Variants in STK3 observed in about 807,000 individuals in gnomAD.
STK3 encodes serine/threonine-protein kinase 3.
STK3 carries 41 observed loss-of-function variants against 58.0 expected under a neutral mutation model. The ratio of observed to expected loss-of-function variants is 0.71; its 90% confidence interval spans 0.55 to 0.92. The LOEUF is 0.92. STK3 is among the 40% of genes least tolerant of loss of function. STK3 has a pLI of 0.00. For synonymous variants in STK3, 170 were observed against 191.0 expected, an observed-to-expected ratio of 0.89 and a Z score of 0.91; for missense variants, 479 against 602.7, an observed-to-expected ratio of 0.79 and a Z score of 2.15.
intron 3 of STK3, among the ~76,000 whole-genome samples, chr8:98,757,898 C>G (rs569671055): frequency 6.6e-6 from 1 of 152,228 alleles, no homozygotes; most frequent in Non-Finnish European, 1.5e-5. Flanking sequence ...AAACATTATC[C>G]TGAGCAGGAT....
intron 1 of STK3, among the ~76,000 whole-genome samples, chr8:98,788,220 A>C (rs963889833): frequency 1.3e-5 from 2 of 152,062 alleles, no homozygotes; most frequent in Non-Finnish European, 2.9e-5. Flanking sequence ...CAGGCAGATC[A>C]CAAGGCCAGG....
At position 98,782,445 on chromosome 8, in the gene STK3, T is replaced by C. The variant is rs747965541; in HGVS notation, c.27-7626A>G. On this transcript the variant is annotated intron_variant, in intron 1 of 10. Coordinates refer to ENST00000419617, the MANE Select transcript of STK3 (RefSeq NM_006281.4). ...AAAGGGGAGTGTGTTCAAAAACAGG[T>C]GGATTCTCATGGAACACATCCACCT... The C allele has an allele frequency of 3.2e-5, 8 of 251,852 alleles. 1 individual carries two copies. The highest frequency in any genetic ancestry group is 1.0e-4 in the East Asian group (1 of 9,824). 15.6% of individuals were successfully genotyped at this position (251,852 alleles called of 1,614,324 possible).
At chr8:98,543,757 T>C (rs1810474511) in intron 9 of STK3, among the ~76,000 whole-genome samples, 1 of 152,164 alleles carries the variant, frequency 6.6e-6, no homozygotes, top group Non-Finnish European at 1.5e-5. Flanking sequence ...GAGGAATTGC[T>C]GAACAGAGAA....
intron 8 of STK3, among the ~76,000 whole-genome samples, chr8:98,578,491 A>G (rs907603427): frequency 6.6e-6 from 1 of 152,212 alleles, no homozygotes; most frequent in African/African-American, 2.4e-5. Flanking sequence ...AGCTCTACAA[A>G]GATGCACATT....
chr8:98,577,425 T>G (rs1813499332), intron 8 of STK3, among the ~76,000 whole-genome samples: 1 of 152,126 alleles, frequency 6.6e-6, no homozygotes, highest in South Asian at 2.1e-4. Flanking sequence ...AGATGGAGGT[T>G]GCAGTAAGCC....
At chr8:98,365,545 C>T in the STK3 span, among the ~76,000 whole-genome samples, 5 of 152,150 alleles carry the variant, frequency 3.3e-5, no homozygotes, top group East Asian at 9.6e-4. Flanking sequence ...TGAACACATG[C>T]TTACTTGTAA....
At chr8:98,350,051 T>C in the STK3 span, among the ~76,000 whole-genome samples, 1 of 152,304 alleles carries the variant, frequency 6.6e-6, no homozygotes, top group African/African-American at 2.4e-5. Context: ...TCTTTTCTAT[T>C]GCATTGTCAG....
Position 98,548,088 on chromosome 8 carries a change from C to T in STK3, c.1022G>A (p.Ser341Asn). The T allele has an allele frequency of 2.5e-6, 4 of 1,609,160 alleles. No homozygotes were observed. The highest frequency in any genetic ancestry group is 1.3e-5 in the African/African-American group (1 of 74,766). Residue 341 changes from serine to asparagine, a missense_variant, in exon 9 of 11, where the codon AGC (serine) becomes AAC (asparagine). Physicochemically the swap from Ser to Asn is conservative, Grantham distance 46 (BLOSUM62 1). Transcript: ENST00000419617. ...GGTCTGGGCCCCTTCACTCATCGTG[C>T]TTGTGGCCCGCATGGTGCCCACACT... Reference protein sequence around the residue: ...VESVGTMRATSTMSEGAQTMI... With the variant: ...VESVGTMRATNTMSEGAQTMI...
chr8:98,654,658 G>A (rs1170931988), intron 6 of STK3, among the ~76,000 whole-genome samples: 15 of 152,100 alleles, frequency 9.9e-5, no homozygotes, highest in South Asian at 2.1e-4. Context: ...AAATCAATGT[G>A]CAAAAATCAC....
At chr8:98,915,393 G>A (rs1839304035) in intron 1 of STK3, among the ~76,000 whole-genome samples, 2 of 144,538 alleles carry the variant, frequency 1.4e-5, no homozygotes, top group African/African-American at 5.3e-5. Flanking sequence ...CTTACTGTGG[G>A]ACCTTGTGAT....
At chr8:98,469,257 GC>G (rs368206380) in intron 10 of STK3, among the ~76,000 whole-genome samples, 3,996 of 61,708 alleles carry the variant, frequency 0.065, 239 homozygotes, top group East Asian at 0.14. Flanking sequence ...CTTTGCGGGG[GC>G]GGGGGGGCGG....
intron 1 of STK3, among the ~76,000 whole-genome samples, chr8:98,897,543 C>T (rs932628831): frequency 6.6e-6 from 1 of 152,000 alleles, no homozygotes; most frequent in African/African-American, 2.4e-5. Flanking sequence ...TGCAGTGAGC[C>T]GAGATCGTGC....
At chr8:98,362,952 G>C in the STK3 span, among the ~76,000 whole-genome samples, 1 of 152,162 alleles carries the variant, frequency 6.6e-6, no homozygotes, top group Non-Finnish European at 1.5e-5. Context: ...AAGAGTTAGT[G>C]ATCTGTTTCT....
chr8:98,439,149 T>C (rs1238459270), intron 1 of STK3: 1 of 152,256 alleles, frequency 6.6e-6, no homozygotes, highest in Non-Finnish European at 1.5e-5. Context: ...GGGTGATGTC[T>C]GTCACCCCCG....
At chr8:98,821,547 C>T (rs190545770) in intron 1 of STK3, among the ~76,000 whole-genome samples, 1 of 150,636 alleles carries the variant, frequency 6.6e-6, no homozygotes, top group Non-Finnish European at 1.5e-5. Flanking sequence ...GTGGTCCCAG[C>T]TAATCAGGGA....
At chr8:98,738,176 T>G (rs534650504) in intron 4 of STK3, among the ~76,000 whole-genome samples, 1 of 152,328 alleles carries the variant, frequency 6.6e-6, no homozygotes, top group South Asian at 2.1e-4. Flanking sequence ...GCTTGACAAC[T>G]TATTCTAAAA....
At chr8:98,700,371 A>C (rs1264515205) in intron 6 of STK3, among the ~76,000 whole-genome samples, 1 of 152,168 alleles carries the variant, frequency 6.6e-6, no homozygotes, top group Non-Finnish European at 1.5e-5. Flanking sequence ...CACTGCATCC[A>C]CTGTCCTGCG....
intron 1 of STK3, among the ~76,000 whole-genome samples, chr8:98,885,354 T>C (rs1186211072): frequency 1.3e-5 from 2 of 152,230 alleles, no homozygotes; most frequent in African/African-American, 4.8e-5. Flanking sequence ...TACCCTCTCT[T>C]TTAAAAGTGC....
chr8:98,429,367 G>T (rs745804262), intron 3 of STK3: 5 of 1,614,014 alleles, frequency 3.1e-6, no homozygotes, highest in Non-Finnish European at 4.2e-6. Flanking sequence ...ACGAACATGA[G>T]CAGGAGCTCA....
Sources: allele counts gnomAD v4.1 joint callset (sites outside exome capture counted in the v4.1 genomes callset), GRCh38; gene constraint gnomAD v4.1.1; transcripts MANE v1.5; gene names NCBI Gene and HGNC (gene_info 2026-07-23, HGNC 2026-07-21).